PCNX2: variants seen among roughly 807,000 people sequenced by gnomAD.
PCNX2 encodes the protein pecanex-like protein 2.
In PCNX2, 168 loss-of-function variants were observed where a neutral mutation model predicts 223.8. The observed-to-expected ratio is 0.75, with a 90% CI of 0.66 to 0.85. The LOEUF is 0.85. PCNX2 is among the 40% of genes least tolerant of loss of function. The pLI, the probability that PCNX2 is intolerant of heterozygous loss-of-function variation, is 0.00. For missense variants in PCNX2, 2,507 were observed against 2,675.5 expected (o/e 0.94, Z 1.39); for synonymous variants, 1,006 against 1,052.6 (o/e 0.96, Z 0.86).
Position 233,161,962 on chromosome 1 carries a change from A to T in PCNX2, c.3274-599T>A, listed in dbSNP as rs967700252. The stretch of plus-strand genomic sequence containing the variant: ...AGAAACCACTTCAAAATTATTTTTT[A>T]TATATATATATATTTATATATACAT... On this transcript the variant is annotated intron_variant, in intron 17 of 33. Transcript: ENST00000258229. Among the ~76,000 whole-genome samples, 50 of 147,776 alleles carry T rather than the reference A, an allele frequency of 3.4e-4. 1 individual carries two copies. The highest frequency in any genetic ancestry group is 8.1e-4 in the African/African-American group (33 of 40,762).
intron 26 of PCNX2, chr1:233,019,169 T>C: frequency 1.4e-5 from 14 of 985,452 alleles, no homozygotes; most frequent in Non-Finnish European, 1.7e-5. Flanking sequence ...TTAGGCTCTC[T>C]GCTGTGAGGA....
At chr1:233,208,424 A>G in intron 13 of PCNX2, 94 bp downstream of exon 13, 2 of 1,344,164 alleles carry the variant, frequency 1.5e-6, no homozygotes, top group Admixed American at 2.4e-5. Context: ...TCTTCACCCA[A>G]TAATCAAGTA....
At chr1:233,089,801 T>C (rs924442101) in intron 23 of PCNX2, 1 of 1,123,958 alleles carries the variant, frequency 8.9e-7, no homozygotes, top group Non-Finnish European at 1.1e-6. Context: ...TTGGCAGTGA[T>C]AACTCACTTT....
intron 25 of PCNX2, among the ~76,000 whole-genome samples, chr1:233,029,511 C>A (rs186655841): frequency 3.9e-5 from 6 of 152,086 alleles, no homozygotes; most frequent in Admixed American, 1.3e-4. Context: ...TGTGTAGAGT[C>A]GATTTTTCAT....
intron 4 of PCNX2, 105 bp from the exon 5 acceptor site, chr1:233,259,449 A>T: frequency 7.2e-7 from 1 of 1,382,834 alleles, no homozygotes; most frequent in East Asian, 2.5e-5. Context: ...CCAGCAACTA[A>T]TGGAATTAGA....
the PCNX2 span, among the ~76,000 whole-genome samples, chr1:233,307,954 G>A: frequency 4.5e-4 from 69 of 152,200 alleles, no homozygotes; most frequent in Admixed American, 1.1e-3. Flanking sequence ...CAACATTCAC[G>A]TGAGTCTTCT....
At chr1:233,191,852 C>T (rs1335494274) in intron 15 of PCNX2, among the ~76,000 whole-genome samples, 1 of 152,258 alleles carries the variant, frequency 6.6e-6, no homozygotes, top group African/African-American at 2.4e-5. Context: ...GTCGTAGAGG[C>T]GGCAGCATTT....
Position 233,285,153 on chromosome 1 carries a change from C to T in PCNX2, c.153+10173G>A, listed in dbSNP as rs552588212. On this transcript the variant is annotated intron_variant, in intron 1 of 33. Transcript: ENST00000258229. The stretch of plus-strand genomic sequence containing the variant: ...GGATTGCTTGAGGCCAGGAGTTTGA[C>T]ACCAGCCTGGGTAGCAGAGCAAGAC... 2.1e-4 allele frequency: 55 copies of T among 265,556 alleles called. No individual in the cohort carries two copies. In the South Asian group the frequency reaches 7.3e-3, roughly 35 times the overall value. 16.4% of individuals were successfully genotyped at this position (265,556 alleles called of 1,614,324 possible).
In PCNX2 at chr1:233,255,104, A is replaced by G. The variant is rs541762730; in HGVS notation, c.1835-2316T>C. 7.2e-5 allele frequency among the ~76,000 whole-genome samples: 11 copies of G among 152,296 alleles called. No homozygotes were observed. The South Asian group carries it at 2.3e-3, about 32-fold the overall frequency. On this transcript the variant is annotated intron_variant, in intron 5 of 33. Transcript: ENST00000258229. The stretch of plus-strand genomic sequence containing the variant: ...AGTAACCAGCCCAGGAAGCCAATAT[A>G]CTATGCACAAGTCAGGCTTGTAGGA...
Position 233,250,786 on chromosome 1 carries a change from G to A in PCNX2, c.2175C>T (p.Gly725=). The A allele has an allele frequency of 6.2e-7, 1 of 1,606,056 alleles. No individual in the cohort carries two copies. Among genetic ancestry groups the A allele is most frequent in the Non-Finnish European group, 8.5e-7 (1 of 1,176,138 alleles). Residue 725 remains glycine, a synonymous_variant, in exon 8 of 34, where the codon GGC becomes GGT. Coordinates refer to ENST00000258229, the MANE Select transcript of PCNX2 (RefSeq NM_014801.4). Reference sequence around the variant, plus strand: ...TATTTGATGGTAGAGGCTGTAAAGGGCCTTCTTTCTGATTTCCAGATTTTA... The same window carrying A: ...TATTTGATGGTAGAGGCTGTAAAGGACCTTCTTTCTGATTTCCAGATTTTA... ...CYLKSGNQKE[G]PLQPLPSNND... is the part of the protein sequence containing the mutation.
At chr1:233,140,906 C>G (rs1008405494) in intron 19 of PCNX2, among the ~76,000 whole-genome samples, 7 of 152,248 alleles carry the variant, frequency 4.6e-5, no homozygotes, top group African/African-American at 1.7e-4. Context: ...TGCAGTGGGC[C>G]CCCACCTACC....
At chr1:233,199,174 G>A (rs1248863955) in intron 14 of PCNX2, 144 bp from the exon 15 acceptor site, 1 of 714,942 alleles carries the variant, frequency 1.4e-6, no homozygotes, top group Non-Finnish European at 2.3e-6. Context: ...TCCATCAAAA[G>A]GCACTGGGTG....
intron 8 of PCNX2, among the ~76,000 whole-genome samples, chr1:233,244,315 T>C (rs1227061279): frequency 1.3e-5 from 2 of 152,210 alleles, no homozygotes; most frequent in African/African-American, 4.8e-5. Context: ...AGCTAGATAC[T>C]AAACCTCTGA....
intron 21 of PCNX2, among the ~76,000 whole-genome samples, chr1:233,120,195 G>GAAAAAAAAAAAA: frequency 8.5e-6 from 1 of 117,598 alleles, no homozygotes; most frequent in Non-Finnish European, 1.8e-5. Context: ...GAAATAAAAA[G>GAAAAAAAAAAAA]AAAAAAGAAA....
intron 21 of PCNX2, among the ~76,000 whole-genome samples, chr1:233,133,006 C>A (rs1263619339): frequency 6.6e-6 from 1 of 150,748 alleles, no homozygotes; most frequent in South Asian, 2.1e-4. Flanking sequence ...TCGAGCAATT[C>A]CCCTGCCTCA....
chr1:233,038,219 G>A (rs1337992105), intron 25 of PCNX2, among the ~76,000 whole-genome samples: 2 of 152,066 alleles, frequency 1.3e-5, no homozygotes, highest in African/African-American at 4.8e-5. Flanking sequence ...AACTCACATT[G>A]GGCAGTTTAG....
intron 15 of PCNX2, among the ~76,000 whole-genome samples, chr1:233,188,529 C>A (rs1284169147): frequency 1.3e-5 from 2 of 152,084 alleles, no homozygotes; most frequent in Non-Finnish European, 2.9e-5. Context: ...TCAGAGTAAT[C>A]TCCATTTTTT....
At chr1:233,316,841 G>T in the PCNX2 span, among the ~76,000 whole-genome samples, 1 of 152,136 alleles carries the variant, frequency 6.6e-6, no homozygotes, top group South Asian at 2.1e-4. Context: ...TGTTTATAAA[G>T]AAATTATCAA....
intron 1 of PCNX2, chr1:233,291,742 C>T (rs2103030161): frequency 1.0e-6 from 1 of 972,660 alleles, no homozygotes; most frequent in Non-Finnish European, 1.2e-6. Context: ...TCTGAATCTC[C>T]ATTAATTATC....
Sources: allele counts gnomAD v4.1 joint callset (sites outside exome capture counted in the v4.1 genomes callset), GRCh38; gene constraint gnomAD v4.1.1; transcripts MANE v1.5; gene names NCBI Gene and HGNC (gene_info 2026-07-23, HGNC 2026-07-21).